The following PHACTR1 variants were observed in gnomAD, a reference collection of about 807,000 sequenced individuals.
PHACTR1 encodes RPEL repeat containing 1.
In PHACTR1, 16 loss-of-function variants were observed where a neutral mutation model predicts 69.2. The ratio of observed to expected loss-of-function variants is 0.23; its 90% confidence interval spans 0.16 to 0.35. PHACTR1 has a LOEUF of 0.35. Among genes scored for constraint, PHACTR1 ranks in the 10% least tolerant of loss-of-function variants. The pLI is 1.00. For missense variants in PHACTR1, 510 were observed against 734.7 expected (o/e 0.69, Z 3.54); for synonymous variants, 312 against 284.5 (o/e 1.10, Z -0.97).
At chr6:12,944,697 G>T (rs989923474) in intron 4 of PHACTR1, among the ~76,000 whole-genome samples, 1 of 152,174 alleles carries the variant, frequency 6.6e-6, no homozygotes, top group Non-Finnish European at 1.5e-5. Flanking sequence ...AGAGAAGACA[G>T]AGAAAGTTCC....
At chr6:12,912,490 C>A (rs115485101) in intron 4 of PHACTR1, among the ~76,000 whole-genome samples, 2,234 of 152,284 alleles carry the variant, frequency 0.015, 50 homozygotes, top group African/African-American at 0.051. Flanking sequence ...GTGCATACCT[C>A]TAAAGTGAAG....
At chr6:13,005,316 A>G (rs887129073) in intron 4 of PHACTR1, among the ~76,000 whole-genome samples, 14 of 151,966 alleles carry the variant, frequency 9.2e-5, no homozygotes, top group African/African-American at 3.4e-4. Context: ...CATACAGTAT[A>G]TATGTCTCTA....
At chr6:12,777,346 G>A (rs1770201033) in intron 4 of PHACTR1, among the ~76,000 whole-genome samples, 1 of 151,624 alleles carries the variant, frequency 6.6e-6, no homozygotes, top group Non-Finnish European at 1.5e-5. Context: ...CATCGCCCAG[G>A]TAATAAGTGT....
At chr6:13,193,433 TTGGAGTGCAG>T (rs1296444153) in intron 7 of PHACTR1, among the ~76,000 whole-genome samples, 1 of 144,800 alleles carries the variant, frequency 6.9e-6, no homozygotes, top group Admixed American at 7.2e-5. Flanking sequence ...GTTGTCCAAC[TTGGAGTGCAG>T]TGGCATGATC....
chr6:12,951,852 C>T (rs1052598841), intron 4 of PHACTR1, among the ~76,000 whole-genome samples: 4 of 152,128 alleles, frequency 2.6e-5, no homozygotes, highest in East Asian at 1.9e-4. Flanking sequence ...GTGAAGCACC[C>T]GGTGTATTTT....
At chr6:13,108,839 T>C (rs1470563897) in intron 5 of PHACTR1, among the ~76,000 whole-genome samples, 1 of 152,076 alleles carries the variant, frequency 6.6e-6, no homozygotes, top group African/African-American at 2.4e-5. Context: ...TCTACCATTC[T>C]TGCTACTTAT....
chr6:13,286,001 T>C, intron 13 of PHACTR1, 145 bp from the exon 14 acceptor site: 1 of 670,114 alleles, frequency 1.5e-6, no homozygotes, highest in Non-Finnish European at 2.5e-6. Context: ...TCTCAGGTGA[T>C]TTTTCTTCCT....
At chr6:13,010,362 A>G (rs1799311456) in intron 4 of PHACTR1, among the ~76,000 whole-genome samples, 1 of 152,162 alleles carries the variant, frequency 6.6e-6, no homozygotes, top group South Asian at 2.1e-4. Flanking sequence ...TCCTGAGCTC[A>G]GGTGATCCAC....
At chr6:13,280,392 C>A in intron 12 of PHACTR1, 1 of 155,198 alleles carries the variant, frequency 6.4e-6, no homozygotes, top group Non-Finnish European at 1.4e-5. Flanking sequence ...GACTGGAGAA[C>A]AGAGGGGCAA....
At chr6:13,085,251 G>A (rs1812085625) in intron 5 of PHACTR1, among the ~76,000 whole-genome samples, 1 of 151,728 alleles carries the variant, frequency 6.6e-6, no homozygotes, top group Non-Finnish European at 1.5e-5. Context: ...CTTACATGAA[G>A]AGTTCTCACT....
intron 4 of PHACTR1, among the ~76,000 whole-genome samples, chr6:12,972,484 A>C (rs1794340789): frequency 6.6e-6 from 1 of 152,130 alleles, no homozygotes; most frequent in African/African-American, 2.4e-5. Context: ...AATCAATCTC[A>C]CTGGAATTAA....
intron 4 of PHACTR1, among the ~76,000 whole-genome samples, chr6:12,894,033 G>T (rs1422058966): frequency 6.6e-6 from 1 of 152,180 alleles, no homozygotes; most frequent in African/African-American, 2.4e-5. Context: ...CTGACTGTGG[G>T]ATTTTTATTG....
intron 4 of PHACTR1, among the ~76,000 whole-genome samples, chr6:12,865,005 G>T (rs953196352): frequency 4.6e-5 from 7 of 152,200 alleles, no homozygotes; most frequent in African/African-American, 1.7e-4. Flanking sequence ...GTTAGTGCTG[G>T]TTAGCACTAG....
At chr6:13,051,661 T>G (rs144429547) in intron 4 of PHACTR1, among the ~76,000 whole-genome samples, 1 of 152,280 alleles carries the variant, frequency 6.6e-6, no homozygotes, top group Non-Finnish European at 1.5e-5. Flanking sequence ...TTTCAAAACT[T>G]AAGCCCAAAG....
At chr6:12,949,939 C>A (rs1435589657) in intron 4 of PHACTR1, among the ~76,000 whole-genome samples, 1 of 152,212 alleles carries the variant, frequency 6.6e-6, no homozygotes, top group Non-Finnish European at 1.5e-5. Flanking sequence ...CTTATATACA[C>A]CCCTGCCGTC....
At chr6:13,184,748 T>C (rs889472337) in intron 7 of PHACTR1, 1 of 1,330,246 alleles carries the variant, frequency 7.5e-7, no homozygotes, top group Non-Finnish European at 1.0e-6. Context: ...TGGCCCCGCC[T>C]GCACTGCGTT....
intron 4 of PHACTR1, among the ~76,000 whole-genome samples, chr6:12,755,026 G>T (rs1289014670): frequency 2.6e-5 from 4 of 152,128 alleles, no homozygotes; most frequent in African/African-American, 9.7e-5. Flanking sequence ...ATGAGTAAAT[G>T]GGAAGCACTT....
intron 4 of PHACTR1, among the ~76,000 whole-genome samples, chr6:12,993,851 A>G (rs532406736): frequency 6.6e-4 from 100 of 152,334 alleles, no homozygotes; most frequent in Non-Finnish European, 1.2e-3. Context: ...AGAAGCAAAT[A>G]AAAAATCACT....
At chr6:13,180,509 A>G (rs1044518108) in intron 6 of PHACTR1, among the ~76,000 whole-genome samples, 2 of 152,272 alleles carry the variant, frequency 1.3e-5, no homozygotes, top group African/African-American at 4.8e-5. Context: ...TGTTGCTTCT[A>G]TGGTACTCTT....
Sources: allele counts gnomAD v4.1 joint callset (sites outside exome capture counted in the v4.1 genomes callset), GRCh38; gene constraint gnomAD v4.1.1; transcripts MANE v1.5; gene names NCBI Gene and HGNC (gene_info 2026-07-23, HGNC 2026-07-21).